Variants in RPH3AL observed in about 807,000 individuals in gnomAD.
RPH3AL encodes the protein rab effector Noc2.
RPH3AL carries 38 observed loss-of-function variants against 43.1 expected under a neutral mutation model. The ratio of observed to expected loss-of-function variants is 0.88; its 90% CI spans 0.68 to 1.15. The LOEUF (loss-of-function observed/expected upper bound fraction) is 1.15, where lower values mean the gene tolerates loss of function less well. Ranked by LOEUF, RPH3AL falls within the 50% of genes most tolerant of loss-of-function variation. The probability of loss-of-function intolerance (pLI) is 0.00; values close to 1 mark genes in which losing one functional copy is unlikely to be tolerated. For synonymous variants in RPH3AL, 189 were observed against 176.3 expected (o/e 1.07, Z -0.57); for missense variants, 462 against 423.2 (o/e 1.09, Z -0.81).
intron 6 of RPH3AL, among the ~76,000 whole-genome samples, chr17:248,926 G>C (rs74720408): frequency 2.6e-5 from 4 of 152,072 alleles, no homozygotes; most frequent in African/African-American, 9.7e-5. Context: ...CGAGGCTCCA[G>C]GGCGAAGCAA....
At chr17:304,742 C>A (rs558850503) in intron 5 of RPH3AL, among the ~76,000 whole-genome samples, 1 of 152,074 alleles carries the variant, frequency 6.6e-6, no homozygotes, top group Non-Finnish European at 1.5e-5. Context: ...TTTCATGCCA[C>A]GTGACACTCT....
intron 5 of RPH3AL, 96 bp downstream of exon 5, chr17:319,324 C>A: frequency 6.9e-7 from 1 of 1,442,182 alleles, no homozygotes. Context: ...CCAACGCAGA[C>A]ATACACACTC....
chr17:267,877 G>A (rs965205093), intron 6 of RPH3AL, among the ~76,000 whole-genome samples: 5 of 152,120 alleles, frequency 3.3e-5, no homozygotes, highest in East Asian at 1.9e-4. Context: ...GTGTATGCCC[G>A]TGAAAGCTAG....
At chr17:295,373 A>T (rs374122523) in intron 5 of RPH3AL, among the ~76,000 whole-genome samples, 171 of 105,660 alleles carry the variant, frequency 1.6e-3, no homozygotes, top group East Asian at 5.9e-3. Flanking sequence ...GGGAATGCAC[A>T]TCAGTGTGGG....
intron 6 of RPH3AL, among the ~76,000 whole-genome samples, chr17:262,453 A>G (rs1442405897): frequency 2.0e-5 from 3 of 152,088 alleles, no homozygotes; most frequent in Non-Finnish European, 4.4e-5. Flanking sequence ...TGACCTCGTG[A>G]TCCACCCGCC....
At chr17:306,945 C>T (rs886730678) in intron 5 of RPH3AL, among the ~76,000 whole-genome samples, 14 of 152,144 alleles carry the variant, frequency 9.2e-5, no homozygotes, top group South Asian at 2.1e-4. Flanking sequence ...CTGCCTCTGC[C>T]GAGCTGTGCC....
chr17:252,085 C>T (rs1474299449), intron 6 of RPH3AL, among the ~76,000 whole-genome samples: 3 of 151,830 alleles, frequency 2.0e-5, no homozygotes, highest in Non-Finnish European at 2.9e-5. Context: ...GATCCTCCCA[C>T]CTCACCCTCC....
In RPH3AL at chr17:333,048, T is replaced by G; in HGVS notation, c.-37+711A>C. On this transcript the variant is annotated intron_variant, in intron 2 of 9. Coordinates refer to ENST00000331302, the MANE Select transcript of RPH3AL (RefSeq NM_006987.4). This position sits in a 1 kb window ranked among gnomAD's most constrained non-coding sequence, Gnocchi z 4.5. ...AGACAGATCGGTAAAAACAACCCCT[T>G]CTTCCAGGAGGATGCAATTCTCTCT... 7.8e-7 allele frequency: 1 copy of G among 1,288,950 alleles called. No homozygotes were observed. The highest frequency in any genetic ancestry group is 1.2e-5 in the South Asian group (1 of 81,010). The allele number at this position is 1,288,950 out of a possible 1,614,324, so 79.8% of individuals were successfully genotyped here. A position where few individuals can be genotyped will look rare whatever the true frequency, so the allele number is the denominator to read the frequency against.
At chr17:332,194 G>A (rs75278245) in intron 2 of RPH3AL, 5,496 of 320,930 alleles carry the variant, frequency 0.017, 78 homozygotes, top group Non-Finnish European at 0.026. Context: ...CACTTCCTCC[G>A]TAAACTAGAG....
chr17:252,851 G>T (rs1308552016), intron 6 of RPH3AL, among the ~76,000 whole-genome samples: 4 of 152,208 alleles, frequency 2.6e-5, no homozygotes, highest in Non-Finnish European at 5.9e-5. Flanking sequence ...AATCTGAAAT[G>T]CTCCAGTGAG....
At chr17:306,052 G>A (rs1450255397) in intron 5 of RPH3AL, among the ~76,000 whole-genome samples, 3 of 147,280 alleles carry the variant, frequency 2.0e-5, no homozygotes, top group Non-Finnish European at 4.5e-5. Flanking sequence ...GTAGAGATGA[G>A]GTCTCACTAC....
intron 6 of RPH3AL, among the ~76,000 whole-genome samples, chr17:279,731 G>C (rs570971341): frequency 6.6e-6 from 1 of 152,178 alleles, no homozygotes; most frequent in African/African-American, 2.4e-5. Context: ...TCTCCCCACA[G>C]ACGATGTTTT....
At position 213,657 on chromosome 17, in the gene RPH3AL, G is replaced by A. The variant is rs551177798; in HGVS notation, c.*195C>T. On this transcript the variant is annotated 3_prime_UTR_variant, in exon 10 of 10. Coordinates refer to ENST00000331302, the MANE Select transcript of RPH3AL (RefSeq NM_006987.4). ...GAGGGCAGTGGTTGGAGGGGGTGGCGGATGCAGACAGCTCCCCAGGAGAGA... is the reference window on the plus strand; with the variant it reads ...GAGGGCAGTGGTTGGAGGGGGTGGCAGATGCAGACAGCTCCCCAGGAGAGA... The A allele has an allele frequency of 4.6e-5, 28 of 608,764 alleles. No homozygotes were observed. Among genetic ancestry groups the A allele is most frequent in the East Asian group, 3.9e-4 (14 of 35,872 alleles). The allele number at this position is 608,764 out of a possible 1,614,324, so 37.7% of individuals were successfully genotyped here.
intron 5 of RPH3AL, among the ~76,000 whole-genome samples, chr17:305,775 A>G (rs1019070139): frequency 3.3e-5 from 5 of 151,746 alleles, no homozygotes; most frequent in African/African-American, 1.2e-4. Context: ...CATCCCTCAC[A>G]TCACTCACAT....
chr17:327,598 G>A lies in RPH3AL; in HGVS notation c.-36-19C>T, dbSNP rs1010669898. On this transcript the variant is annotated intron_variant, in intron 2 of 9. Transcript: ENST00000331302. The stretch of plus-strand genomic sequence containing the variant: ...GTCACATCTGAGATGAAGGAGGGAA[G>A]ACGAAAGAGTGTGCATCATTGGCTG... The A allele has an allele frequency of 1.3e-6, 2 of 1,527,122 alleles. No individual in the cohort carries two copies. Among genetic ancestry groups the A allele is most frequent in the East Asian group, 2.3e-5 (1 of 44,254 alleles). 94.6% of individuals were successfully genotyped at this position (1,527,122 alleles called of 1,614,324 possible). A position where few individuals can be genotyped will look rare whatever the true frequency, so the allele number is the denominator to read the frequency against.
rs958400815 is a variant in RPH3AL at position 245,043 on chromosome 17, C to T, written c.613+2068G>A. ...GTGGATGTGTGTGTGGATGTGAGCA[C>T]TATGTGTGCATGTGGATGTGTGTGC... On this transcript the variant is annotated intron_variant, in intron 7 of 9. Transcript: ENST00000331302. The surrounding 1 kb of genome is among the most constrained non-coding windows in gnomAD (Gnocchi z 5.9). Among the ~76,000 whole-genome samples the T allele has an allele frequency of 6.8e-6, 1 of 146,710 alleles. No homozygotes were observed. Among genetic ancestry groups the T allele is most frequent in the African/African-American group, 2.5e-5 (1 of 39,554 alleles).
At chr17:331,696 A>T (rs747520662) in intron 2 of RPH3AL, 1 of 1,287,860 alleles carries the variant, frequency 7.8e-7, no homozygotes, top group South Asian at 1.2e-5. Context: ...GCCGACCCCC[A>T]TGCCCGGCAC....
At chr17:313,618 A>T (rs2043709801) in intron 5 of RPH3AL, among the ~76,000 whole-genome samples, 1 of 152,106 alleles carries the variant, frequency 6.6e-6, no homozygotes, top group Non-Finnish European at 1.5e-5. Context: ...AATTCAACAG[A>T]GTCCTCGGTG....
In RPH3AL at chr17:273,125, G is replaced by T. The variant is rs1276846366; in HGVS notation, c.438+8643C>A. Among the ~76,000 whole-genome samples, 71 of 80,868 alleles carry T rather than the reference G, an allele frequency of 8.8e-4. 1 individual carries two copies. Among genetic ancestry groups the T allele is most frequent in the African/African-American group, 3.1e-3 (65 of 20,986 alleles). The allele number at this position is 80,868 out of a possible 152,430, so 53.1% of individuals were successfully genotyped here. ...GTCAGGGAGAGACCCCAGCGAGGGTGACGTCAGGGAGAGACCCCAGCGAGG... is the reference window on the plus strand; with the variant it reads ...GTCAGGGAGAGACCCCAGCGAGGGTTACGTCAGGGAGAGACCCCAGCGAGG... On this transcript the variant is annotated intron_variant, in intron 6 of 9. Transcript: ENST00000331302.
Sources: gnomAD v4.1 joint callset for allele counts (sites outside exome capture counted in the v4.1 genomes callset) on GRCh38, gnomAD v4.1.1 for gene constraint, Gnocchi (gnomAD v3.1) non-coding constraint, MANE v1.5 for transcripts, NCBI Gene and HGNC (gene_info 2026-07-23, HGNC 2026-07-21) for gene names.